Variants in SEZ6L observed in about 807,000 individuals in gnomAD.
SEZ6L encodes the protein seizure related 6 homolog like.
In SEZ6L, 37 loss-of-function variants were observed where a neutral mutation model predicts 106.2. The observed-to-expected ratio is 0.35, with a 90% CI of 0.27 to 0.46. The LOEUF (loss-of-function observed/expected upper bound fraction) is 0.46. Ranked by LOEUF, SEZ6L falls within the 20% of genes least tolerant of loss-of-function variation. The pLI is 1.00. For missense variants in SEZ6L, 1,172 were observed against 1,332.8 expected, an observed-to-expected ratio of 0.88 and a Z score of 1.88; for synonymous variants, 541 against 570.4, an observed-to-expected ratio of 0.95 and a Z score of 0.73.
Position 26,313,668 on chromosome 22 carries a change from CGGCTGTCT to C in SEZ6L, c.1877-94_1877-87del. The C allele has an allele frequency of 2.1e-6, 3 of 1,449,550 alleles. No homozygotes were observed. The South Asian group carries it at 3.7e-5, about 18-fold the overall frequency. 89.8% of individuals were successfully genotyped at this position (1,449,550 alleles called of 1,614,324 possible). On this transcript the variant is annotated intron_variant, in intron 8 of 16. Coordinates refer to ENST00000248933, the MANE Select transcript of SEZ6L (RefSeq NM_021115.5). ...CCTGTCCACAGTACACAGAGATTCA[CGGCTGTCT>C]GACTTCATAGCCCACATGGTTAGCC...
chr22:26,352,693 ATACT>A (rs1184848590), intron 12 of SEZ6L, among the ~76,000 whole-genome samples: 1 of 152,252 alleles, frequency 6.6e-6, no homozygotes, highest in Non-Finnish European at 1.5e-5. Context: ...GGATAGGCTG[ATACT>A]TACTGAGCAC....
At chr22:26,369,970 G>C (rs900787594) in intron 13 of SEZ6L, among the ~76,000 whole-genome samples, 1 of 152,194 alleles carries the variant, frequency 6.6e-6, no homozygotes, top group East Asian at 1.9e-4. Context: ...TAAGTATTGG[G>C]AAGTTCCTGA....
intron 1 of SEZ6L, among the ~76,000 whole-genome samples, chr22:26,200,546 A>G (rs1050835717): frequency 6.6e-6 from 1 of 152,094 alleles, no homozygotes; most frequent in Non-Finnish European, 1.5e-5. Context: ...TTTCTGAGCT[A>G]CTGGAGTCCC....
At chr22:26,255,108 G>A (rs1047553893) in intron 1 of SEZ6L, among the ~76,000 whole-genome samples, 5 of 152,064 alleles carry the variant, frequency 3.3e-5, no homozygotes, top group East Asian at 1.9e-4. Flanking sequence ...GAGGTGTAAC[G>A]GGCATACCAA....
chr22:26,223,803 T>C (rs1032169171), intron 1 of SEZ6L, among the ~76,000 whole-genome samples: 1 of 152,236 alleles, frequency 6.6e-6, no homozygotes, highest in African/African-American at 2.4e-5. Context: ...GTCATTGTCA[T>C]CATAATTGTT....
intron 1 of SEZ6L, chr22:26,244,348 T>G (rs1234437737): frequency 6.6e-6 from 1 of 152,236 alleles, no homozygotes; most frequent in Admixed American, 6.5e-5. Context: ...TGCTTCCATT[T>G]GTTTCCTGAG....
chr22:26,379,438 G>A (rs1228806256), intron 16 of SEZ6L, among the ~76,000 whole-genome samples: 3 of 152,262 alleles, frequency 2.0e-5, no homozygotes, highest in Non-Finnish European at 2.9e-5. Flanking sequence ...GGACCACCTT[G>A]GGGCCTGCCC....
intron 1 of SEZ6L, among the ~76,000 whole-genome samples, chr22:26,210,636 C>G (rs558102126): frequency 2.6e-5 from 4 of 152,208 alleles, no homozygotes; most frequent in Admixed American, 6.5e-5. Flanking sequence ...AGCCTGGCAG[C>G]CCCGTGCACA....
At chr22:26,318,550 A>G (rs554633980) in intron 9 of SEZ6L, among the ~76,000 whole-genome samples, 3 of 152,304 alleles carry the variant, frequency 2.0e-5, no homozygotes, top group South Asian at 2.1e-4. Flanking sequence ...AGCACTTACT[A>G]TTTGTAAGGT....
chr22:26,220,102 C>T (rs2145721891), intron 1 of SEZ6L, among the ~76,000 whole-genome samples: 1 of 152,254 alleles, frequency 6.6e-6, no homozygotes, highest in Non-Finnish European at 1.5e-5. Context: ...AGTCTGATAG[C>T]TCCAGTTAGA....
At position 26,370,742 on chromosome 22, in the gene SEZ6L, A is replaced by G. The variant is rs548404778; in HGVS notation, c.2795-2709A>G. ...AAAAAGGCTGGGTGTGGTGGCTTAC[A>G]CCTGTAATCCCAGCACTTTGAGAGG... On this transcript the variant is annotated intron_variant, in intron 13 of 16. Coordinates refer to ENST00000248933, the MANE Select transcript of SEZ6L (RefSeq NM_021115.5). Among the ~76,000 whole-genome samples, 696 of 152,052 alleles carry G rather than the reference A, an allele frequency of 4.6e-3. 3 individuals are homozygous for G. Among genetic ancestry groups the G allele is most frequent in the African/African-American group, 0.016 (671 of 41,504 alleles).
intron 8 of SEZ6L, among the ~76,000 whole-genome samples, chr22:26,312,760 G>A (rs1316857102): frequency 6.6e-6 from 1 of 152,208 alleles, no homozygotes; most frequent in African/African-American, 2.4e-5. Context: ...AGTAGAAACG[G>A]GGTTTCACCA....
At chr22:26,213,782 G>A (rs950240782) in intron 1 of SEZ6L, among the ~76,000 whole-genome samples, 1 of 152,200 alleles carries the variant, frequency 6.6e-6, no homozygotes, top group Non-Finnish European at 1.5e-5. Context: ...TTAGCTGGGT[G>A]TAGTGCCGTG....
intron 1 of SEZ6L, among the ~76,000 whole-genome samples, chr22:26,240,633 C>T (rs1404246255): frequency 1.3e-5 from 2 of 152,162 alleles, no homozygotes; most frequent in African/African-American, 4.8e-5. Context: ...GAACCAGACT[C>T]AGCCTTCCAC....
chr22:26,376,784 G>A (rs1270843004), intron 15 of SEZ6L, among the ~76,000 whole-genome samples: 1 of 152,110 alleles, frequency 6.6e-6, no homozygotes, highest in African/African-American at 2.4e-5. Flanking sequence ...ATGTGAAAAA[G>A]GAGGGTTTCA....
At chr22:26,201,678 C>T (rs934015455) in intron 1 of SEZ6L, among the ~76,000 whole-genome samples, 2 of 152,206 alleles carry the variant, frequency 1.3e-5, no homozygotes, top group African/African-American at 2.4e-5. Flanking sequence ...CATACTACCA[C>T]TGCTTGTGAC....
At chr22:26,255,065 T>C (rs1378609492) in intron 1 of SEZ6L, among the ~76,000 whole-genome samples, 1 of 152,182 alleles carries the variant, frequency 6.6e-6, no homozygotes, top group Non-Finnish European at 1.5e-5. Context: ...TAAAGAATAC[T>C]TTAGAATTCT....
intron 13 of SEZ6L, 73 bp from the exon 14 acceptor site, chr22:26,373,378 T>A: frequency 7.4e-7 from 1 of 1,355,652 alleles, no homozygotes; most frequent in South Asian, 1.3e-5. Flanking sequence ...TGCATCAAAT[T>A]TTTTGGCCTC....
chr22:26,376,856 T>C (rs1419370146), intron 15 of SEZ6L, among the ~76,000 whole-genome samples: 1 of 152,210 alleles, frequency 6.6e-6, no homozygotes, highest in Admixed American at 6.5e-5. Flanking sequence ...AGATCATCCC[T>C]GCCCTTATGG....
Sources: gnomAD v4.1 joint callset for allele counts (sites outside exome capture counted in the v4.1 genomes callset) on GRCh38, gnomAD v4.1.1 for gene constraint, MANE v1.5 for transcripts, NCBI Gene and HGNC (gene_info 2026-07-23, HGNC 2026-07-21) for gene names.